The following SLCO6A1 variants were observed in gnomAD, a reference collection of about 807,000 sequenced individuals.
SLCO6A1 encodes cancer/testis antigen 48.
SLCO6A1 carries 65 observed loss-of-function variants against 72.7 expected under a neutral mutation model. That is an observed-to-expected ratio of 0.89 (90% CI 0.73 to 1.10). The LOEUF (loss-of-function observed/expected upper bound fraction) is 1.10. Ranked by LOEUF, SLCO6A1 falls within the 50% of genes least tolerant of loss-of-function variation. The probability of loss-of-function intolerance (pLI) is 0.00; values close to 1 mark genes in which losing one functional copy is unlikely to be tolerated. For synonymous variants in SLCO6A1, 314 were observed against 298.2 expected, an observed-to-expected ratio of 1.05 and a Z score of -0.55; for missense variants, 874 against 872.6, an observed-to-expected ratio of 1.00 and a Z score of -0.02.
intron 7 of SLCO6A1, among the ~76,000 whole-genome samples, chr5:102,427,616 T>A (rs977311184): frequency 5.3e-5 from 8 of 151,790 alleles, no homozygotes; most frequent in African/African-American, 1.7e-4. Flanking sequence ...CAAAGAGACA[T>A]GACAACTAAA....
chr5:102,434,584 T>C (rs1271135442), intron 7 of SLCO6A1, among the ~76,000 whole-genome samples: 1 of 152,210 alleles, frequency 6.6e-6, no homozygotes, highest in African/African-American at 2.4e-5. Context: ...GGTTAACTTG[T>C]TAGCTTACAG....
rs193096356 is a variant in SLCO6A1 at position 102,472,483 on chromosome 5, C to T, written c.899+3214G>A. ...TTTTCTTAAAGTGGTAGGTATAGCT[C>T]CTTAATTAACTCCATCATCTCAACA... On this transcript the variant is annotated intron_variant, in intron 4 of 13. Transcript: ENST00000506729. Among the ~76,000 whole-genome samples the T allele has an allele frequency of 1.0e-3, 155 of 152,054 alleles. 1 individual carries two copies. Among genetic ancestry groups the T allele is most frequent in the Non-Finnish European group, 1.4e-3 (97 of 67,968 alleles).
Position 102,498,663 on chromosome 5 carries a change from A to G in SLCO6A1, c.182T>C (p.Phe61Ser). Reference protein sequence around the residue: ...LRLLPEALIRFGGFRKRKKAK... With the variant: ...LRLLPEALIRSGGFRKRKKAK... Reference sequence around the variant, plus strand: ...TTTTTTCCTTTTTCGGAAACCGCCGAACCTTATCAAGGCCTCTGGAAGTAG... The same window carrying G: ...TTTTTTCCTTTTTCGGAAACCGCCGGACCTTATCAAGGCCTCTGGAAGTAG... Residue 61 changes from phenylalanine (F) to serine (S), a missense_variant, in exon 1 of 14, where the codon TTC becomes TCC. Coordinates refer to ENST00000506729, the MANE Select transcript of SLCO6A1 (RefSeq NM_173488.5). The G allele has an allele frequency of 6.2e-7, 1 of 1,614,206 alleles. No individual in the cohort carries two copies. Among genetic ancestry groups the G allele is most frequent in the Non-Finnish European group, 8.5e-7 (1 of 1,180,026 alleles).
At chr5:102,429,662 T>C (rs1371087213) in intron 7 of SLCO6A1, among the ~76,000 whole-genome samples, 1 of 152,222 alleles carries the variant, frequency 6.6e-6, no homozygotes, top group Non-Finnish European at 1.5e-5. Context: ...CATTGGTCTA[T>C]GTGTCTGTTT....
In SLCO6A1 at chr5:102,465,662, C is replaced by T. The variant is rs1393037831; in HGVS notation, c.900-5885G>A. ...AACACAAAACCTAGTTGCTACTGTC[C>T]CTGCATCATTAGTAGTGACAAGGTC... is the stretch of plus-strand genomic sequence containing the variant. On this transcript the variant is annotated intron_variant, in intron 4 of 13. Transcript: ENST00000506729. 2.6e-5 allele frequency among the ~76,000 whole-genome samples: 4 copies of T among 151,956 alleles called. No individual in the cohort carries two copies. The East Asian group carries it at 7.7e-4, about 29-fold the overall frequency.
At chr5:102,489,759 A>T (rs1227941399) in intron 1 of SLCO6A1, among the ~76,000 whole-genome samples, 1 of 152,246 alleles carries the variant, frequency 6.6e-6, no homozygotes, top group East Asian at 1.9e-4. Flanking sequence ...TATTCAAATG[A>T]AATAAAATCA....
intron 1 of SLCO6A1, among the ~76,000 whole-genome samples, chr5:102,488,980 T>C (rs1580522999): frequency 6.6e-6 from 1 of 152,266 alleles, no homozygotes; most frequent in African/African-American, 2.4e-5. Flanking sequence ...AGTCAGGAAG[T>C]TACAGCCAGC....
At chr5:102,438,814 G>A in intron 6 of SLCO6A1, 53 bp from the exon 7 acceptor site, 1 of 1,289,788 alleles carries the variant, frequency 7.8e-7, no homozygotes, top group Non-Finnish European at 1.0e-6. Flanking sequence ...AGATAAAGAG[G>A]AATAGACAGA....
intron 1 of SLCO6A1, among the ~76,000 whole-genome samples, chr5:102,484,915 T>C (rs1014733044): frequency 2.0e-5 from 3 of 152,194 alleles, no homozygotes; most frequent in African/African-American, 4.8e-5. Context: ...AGTTGCTTTT[T>C]ACAGTTTTGC....
At chr5:102,455,444 A>G (rs1445237602) in intron 6 of SLCO6A1, among the ~76,000 whole-genome samples, 1 of 152,112 alleles carries the variant, frequency 6.6e-6, no homozygotes, top group Admixed American at 6.6e-5. Flanking sequence ...AACAAATGGA[A>G]AGTCAAATCA....
At chr5:102,472,666 A>G (rs1580491746) in intron 4 of SLCO6A1, among the ~76,000 whole-genome samples, 3 of 152,212 alleles carry the variant, frequency 2.0e-5, no homozygotes, top group South Asian at 4.1e-4. Context: ...TGGAAAAACC[A>G]TAGAGAAAAT....
chr5:102,480,103 C>G lies in SLCO6A1; in HGVS notation c.616+74G>C, dbSNP rs888757712. 15 of 1,333,766 alleles carry G rather than the reference C, an allele frequency of 1.1e-5. 1 individual carries two copies. In the South Asian group the frequency reaches 1.1e-4, roughly 10 times the overall value. The allele number at this position is 1,333,766 out of a possible 1,614,324, so 82.6% of individuals were successfully genotyped here. ...TATACAGACAAATAATTATCACAGT[C>G]TATTTTAAGTTCCTTGAGCCAAGGT... On this transcript the variant is annotated intron_variant, in intron 2 of 13. Coordinates refer to ENST00000506729, the MANE Select transcript of SLCO6A1 (RefSeq NM_173488.5).
chr5:102,408,240 C>A (rs1338866875), intron 9 of SLCO6A1, among the ~76,000 whole-genome samples: 1 of 151,470 alleles, frequency 6.6e-6, no homozygotes, highest in Non-Finnish European at 1.5e-5. Context: ...TGTGAAGATT[C>A]TCTCTCTCTC....
intron 1 of SLCO6A1, among the ~76,000 whole-genome samples, chr5:102,485,691 T>C (rs956936974): frequency 6.6e-6 from 1 of 152,218 alleles, no homozygotes; most frequent in Non-Finnish European, 1.5e-5. Flanking sequence ...GCGCCTGTTT[T>C]TTTCCAGACT....
At chr5:102,399,202 T>C (rs2112547704) in intron 10 of SLCO6A1, among the ~76,000 whole-genome samples, 1 of 152,222 alleles carries the variant, frequency 6.6e-6, no homozygotes, top group Non-Finnish European at 1.5e-5. Context: ...GCAATATGGA[T>C]GTAAATAGTT....
chr5:102,439,062 A>G (rs942963886), intron 6 of SLCO6A1, among the ~76,000 whole-genome samples: 1 of 151,962 alleles, frequency 6.6e-6, no homozygotes, highest in Non-Finnish European at 1.5e-5. Context: ...TTTTGTAAAG[A>G]TTAGAGAAAA....
intron 6 of SLCO6A1, among the ~76,000 whole-genome samples, chr5:102,453,552 T>G (rs1412234724): frequency 1.3e-5 from 2 of 152,148 alleles, no homozygotes; most frequent in Admixed American, 1.3e-4. Context: ...TTGGACACTT[T>G]AAATAATACG....
chr5:102,472,734 C>T (rs1202209192), intron 4 of SLCO6A1, among the ~76,000 whole-genome samples: 1 of 150,638 alleles, frequency 6.6e-6, no homozygotes, highest in Non-Finnish European at 1.5e-5. Flanking sequence ...AAACCTTGGC[C>T]AGAGAAATTA....
intron 7 of SLCO6A1, among the ~76,000 whole-genome samples, chr5:102,432,954 C>G (rs1198329069): frequency 6.6e-6 from 1 of 152,002 alleles, no homozygotes; most frequent in East Asian, 1.9e-4. Context: ...TATTTTTGTT[C>G]ATTTTGTTTG....
Sources: allele counts gnomAD v4.1 joint callset (sites outside exome capture counted in the v4.1 genomes callset), GRCh38; gene constraint gnomAD v4.1.1; transcripts MANE v1.5; gene names NCBI Gene and HGNC (gene_info 2026-07-23, HGNC 2026-07-21).